The following TMEM176A variants were observed in gnomAD, a reference collection of about 807,000 sequenced individuals.
The protein encoded by TMEM176A is hepatocellular carcinoma-associated antigen 112.
Under a neutral mutation model 27.9 loss-of-function variants are expected in TMEM176A, and 20 were observed. The observed-to-expected ratio is 0.72, with a 90% CI of 0.50 to 1.04. The LOEUF is 1.04. Among genes scored for constraint, TMEM176A ranks in the 50% least tolerant of loss-of-function variants. The pLI is 0.00. For missense variants in TMEM176A, 252 were observed against 289.1 expected, an observed-to-expected ratio of 0.87 and a Z score of 0.93; for synonymous variants, 125 against 118.0, an observed-to-expected ratio of 1.06 and a Z score of -0.38.
At position 150,803,472 on chromosome 7, in the gene TMEM176A, G is replaced by T. The variant is rs186094117; in HGVS notation, c.342+16G>T. ...TACATACTGGGTAAGTTCAGGGAAG[G>T]GCATGGGAGGGGACCAGGTTCAGGC... On this transcript the variant is annotated intron_variant, in intron 4 of 6. Transcript: ENST00000004103. 1.6e-5 allele frequency: 25 copies of T among 1,585,656 alleles called. No individual in the cohort carries two copies. The African/African-American group carries it at 2.3e-4, about 15-fold the overall frequency.
chr7:150,804,985 T>C lies in TMEM176A; in HGVS notation c.*117T>C. On this transcript the variant is annotated 3_prime_UTR_variant, in exon 7 of 7. Coordinates refer to ENST00000004103, the MANE Select transcript of TMEM176A (RefSeq NM_018487.3). ...GGCTCTTCAACAGCCCCAGTTATCC[T>C]GGCCCCATGACCGTGGCCACAGCCC... 1 of 1,130,610 alleles carries C rather than the reference T, an allele frequency of 8.8e-7. No individual in the cohort carries two copies. Among genetic ancestry groups the C allele is most frequent in the South Asian group, 1.3e-5 (1 of 79,968 alleles). The allele number at this position is 1,130,610 out of a possible 1,614,324, so 70.0% of individuals were successfully genotyped here.
rs373217847 is a variant in TMEM176A, at chr7:150,804,914, G to A, written c.*46G>A. On this transcript the variant is annotated 3_prime_UTR_variant, in exon 7 of 7. Transcript: ENST00000004103. ...AGTGCCTGGTGCTTCTGCACCGGGCGTCCCTGCATCTGACTGCTGGAAGAA... is the reference window on the plus strand; with the variant it reads ...AGTGCCTGGTGCTTCTGCACCGGGCATCCCTGCATCTGACTGCTGGAAGAA... 4.2e-5 allele frequency: 67 copies of A among 1,595,498 alleles called. No homozygotes were observed. Among genetic ancestry groups the A allele is most frequent in the African/African-American group, 9.4e-5 (7 of 74,696 alleles).
chr7:150,802,607 T>A (rs933325732), intron 3 of TMEM176A: 6 of 877,712 alleles, frequency 6.8e-6, no homozygotes, highest in Non-Finnish European at 9.2e-6. Context: ...TCTAAGGACC[T>A]GCTCATCTCC....
intron 6 of TMEM176A, 30 bp from the exon 7 acceptor site, chr7:150,804,797 A>G (rs1446495966): frequency 6.2e-7 from 1 of 1,613,732 alleles, no homozygotes; most frequent in Non-Finnish European, 8.5e-7. Context: ...TCTCCCACTC[A>G]CGATTGTCTT....
chr7:150,805,048 C>A lies in TMEM176A; in HGVS notation c.*180C>A. ...ACTTGCCCATTCCTTACACCCCTTC[C>A]CCATCCTGCTCCGCTTCATGTCCCC... On this transcript the variant is annotated 3_prime_UTR_variant, in exon 7 of 7. Coordinates refer to ENST00000004103, the MANE Select transcript of TMEM176A (RefSeq NM_018487.3). 1.5e-6 allele frequency: 1 copy of A among 647,010 alleles called. No individual in the cohort carries two copies. The highest frequency in any genetic ancestry group is 2.5e-5 in the Admixed American group (1 of 39,376). The allele number at this position is 647,010 out of a possible 1,614,324, so 40.1% of individuals were successfully genotyped here.
chr7:150,801,425 C>A, intron 1 of TMEM176A, 111 bp from the exon 2 acceptor site: 1 of 1,084,554 alleles, frequency 9.2e-7, no homozygotes, highest in South Asian at 1.6e-5. Flanking sequence ...ACCAGGACAG[C>A]CATTCATTGG....
At position 150,803,676 on chromosome 7, in the gene TMEM176A, C is replaced by G; in HGVS notation, c.399C>G (p.Leu133=). The change falls in exon 5 of 7, where the codon CTC becomes CTG. Residue 133 remains leucine, a synonymous_variant. Coordinates refer to ENST00000004103, the MANE Select transcript of TMEM176A (RefSeq NM_018487.3). Reference sequence around the variant, plus strand: ...CTTTCTCCACAGCCATCGCTGCCCTCAAACTTTGGAATGAAGATTTCCGAT... The same window carrying G: ...CTTTCTCCACAGCCATCGCTGCCCTGAAACTTTGGAATGAAGATTTCCGAT... The part of the protein sequence containing the change: ...LAAFSTAIAA[L]KLWNEDFRYG... The G allele has an allele frequency of 6.2e-7, 1 of 1,614,184 alleles. No homozygotes were observed. The highest frequency in any genetic ancestry group is 8.5e-7 in the Non-Finnish European group (1 of 1,180,050).
At chr7:150,804,764 T>C in intron 6 of TMEM176A, 63 bp from the exon 7 acceptor site, 1 of 1,563,272 alleles carries the variant, frequency 6.4e-7, no homozygotes, top group Non-Finnish European at 8.8e-7. Flanking sequence ...AAGCTGCCCC[T>C]GGAGGAGAGA....
At chr7:150,801,254 C>A (rs780666248) in intron 1 of TMEM176A, 1 of 298,982 alleles carries the variant, frequency 3.3e-6, no homozygotes, top group Non-Finnish European at 6.1e-6. Flanking sequence ...GCTGCTTGAC[C>A]CAGACGCCAG....
chr7:150,803,071 C>A, intron 3 of TMEM176A: 1 of 1,045,602 alleles, frequency 9.6e-7, no homozygotes. Flanking sequence ...TCCAGCACCC[C>A]ATGACTTTTA....
chr7:150,801,013 C>A, intron 1 of TMEM176A, 185 bp downstream of exon 1: 1 of 985,492 alleles, frequency 1.0e-6, no homozygotes, highest in Non-Finnish European at 1.2e-6. Flanking sequence ...CAGCGCGGTC[C>A]TTCACGGGGC....
Position 150,802,052 on chromosome 7 carries a change from CCTT to C in TMEM176A, c.175-160_175-158del, listed in dbSNP as rs1245388712. 9.6e-5 allele frequency: 59 copies of C among 612,836 alleles called. No individual in the cohort carries two copies. In the East Asian group the frequency reaches 1.6e-3, roughly 16 times the overall value. 38.0% of individuals were successfully genotyped at this position (612,836 alleles called of 1,614,324 possible). A position where few individuals can be genotyped will look rare whatever the true frequency, so the allele number is the denominator to read the frequency against. On this transcript the variant is annotated intron_variant, in intron 2 of 6. Coordinates refer to ENST00000004103, the MANE Select transcript of TMEM176A (RefSeq NM_018487.3). ...CCTCCTCCTGCCTCTTCTTCTTTCT[CCTT>C]CTCCTCCTCTTTCTTCTCCTTTTCT... is the stretch of plus-strand genomic sequence containing the variant.
chr7:150,803,059 T>A (rs566433521), intron 3 of TMEM176A: 179 of 1,033,466 alleles, frequency 1.7e-4, no homozygotes, highest in Non-Finnish European at 2.0e-4. Context: ...ATTGAGATCT[T>A]CTCCAGCACC....
Position 150,801,735 on chromosome 7 carries a change from C to CGGCCT in TMEM176A, c.174+13_174+17dup. 6.7e-7 allele frequency: 1 copy of CGGCCT among 1,498,872 alleles called. No homozygotes were observed. The highest frequency in any genetic ancestry group is 8.8e-7 in the Non-Finnish European group (1 of 1,133,818). 92.8% of individuals were successfully genotyped at this position (1,498,872 alleles called of 1,614,324 possible). On this transcript the variant is annotated intron_variant, in intron 2 of 6. Transcript: ENST00000004103. ...CTGGTGGCCTCGTGGGTGAGTGTGA[C>CGGCCT]GGCCTGCCTCGTCGGGCGGCGGGAG...
intron 1 of TMEM176A, chr7:150,801,205 G>C: frequency 4.7e-6 from 1 of 214,206 alleles, no homozygotes; most frequent in South Asian, 1.5e-4. Context: ...GCCGCAGGAA[G>C]AGCCCGGGAG....
rs777580058 is a variant in TMEM176A, at chr7:150,803,461, G to A, written c.342+5G>A. On this transcript the variant is annotated splice_donor_5th_base_variant and intron_variant, in intron 4 of 6. Coordinates refer to ENST00000004103, the MANE Select transcript of TMEM176A (RefSeq NM_018487.3). ...AAACGGGGTGGTACATACTGGGTAA[G>A]TTCAGGGAAGGGCATGGGAGGGGAC... 1 of 1,592,750 alleles carries A rather than the reference G, an allele frequency of 6.3e-7. No homozygotes were observed.
chr7:150,802,246 C>T lies in TMEM176A; in HGVS notation c.206C>T (p.Ala69Val). 1.2e-6 allele frequency: 2 copies of T among 1,614,022 alleles called. No individual in the cohort carries two copies. Among genetic ancestry groups the T allele is most frequent in the Non-Finnish European group, 1.7e-6 (2 of 1,179,998 alleles). Residue 69 changes from alanine (A) to valine (V), a missense_variant, in exon 3 of 7, where the codon GCA becomes GTA. By Grantham distance (64) the Ala-to-Val change is moderately conservative. Coordinates refer to ENST00000004103, the MANE Select transcript of TMEM176A (RefSeq NM_018487.3). ...VMQIVLGILS[A>V]VLGGFFYIRD... is the part of the protein sequence containing the mutation. ...CAGATCGTGCTGGGGATCTTGAGTG[C>T]AGTCCTAGGAGGATTTTTCTACATC...
chr7:150,801,009 G>C (rs1798761786), intron 1 of TMEM176A, 181 bp downstream of exon 1: 1 of 985,420 alleles, frequency 1.0e-6, no homozygotes, highest in Admixed American at 6.1e-5. Context: ...ACCGCAGCGC[G>C]GTCCTTCACG....
intron 4 of TMEM176A, 67 bp from the exon 5 acceptor site, chr7:150,803,553 T>C: frequency 6.3e-7 from 1 of 1,593,048 alleles, no homozygotes; most frequent in South Asian, 1.1e-5. Flanking sequence ...CTTGCCCTTT[T>C]TTCCCCCGAC....
Sources: gnomAD v4.1 joint callset for allele counts on GRCh38, gnomAD v4.1.1 for gene constraint, MANE v1.5 for transcripts, NCBI Gene and HGNC (gene_info 2026-07-23, HGNC 2026-07-21) for gene names.